TCF7L2: variants seen among roughly 807,000 people sequenced by gnomAD.
TCF7L2 encodes transcription factor 7-like 2.
In TCF7L2, 23 loss-of-function variants were observed where a neutral mutation model predicts 77.9. That is an observed-to-expected ratio of 0.30 (90% CI 0.21 to 0.42). The LOEUF is 0.42. Ranked by LOEUF, TCF7L2 falls within the 10% of genes least tolerant of loss-of-function variation. The pLI, the probability that TCF7L2 is intolerant of heterozygous loss-of-function variation, is 1.00. For synonymous variants in TCF7L2, 413 were observed against 340.2 expected (o/e 1.21, Z -2.36); for missense variants, 654 against 793.1 (o/e 0.82, Z 2.11).
intron 5 of TCF7L2, among the ~76,000 whole-genome samples, chr10:113,101,975 C>T (rs764784006): frequency 1.2e-4 from 17 of 147,632 alleles, no homozygotes; most frequent in Non-Finnish European, 2.1e-4. Flanking sequence ...CCCATCTCTA[C>T]TAAAATACAA....
chr10:112,975,969 TTATAC>T (rs1278299987), intron 4 of TCF7L2, among the ~76,000 whole-genome samples: 2 of 152,230 alleles, frequency 1.3e-5, no homozygotes, highest in Non-Finnish European at 2.9e-5. Context: ...ACCATTGATA[TTATAC>T]TATATTACCT....
rs1041477068 is a variant in TCF7L2 at position 113,167,394 on chromosome 10, A to G, written c.*1422A>G. The G allele has an allele frequency of 1.8e-5, 4 of 225,912 alleles. No homozygotes were observed. The highest frequency in any genetic ancestry group is 3.5e-5 in the Non-Finnish European group (4 of 113,616). 14.0% of individuals were successfully genotyped at this position (225,912 alleles called of 1,614,324 possible). On this transcript the variant is annotated 3_prime_UTR_variant, in exon 14 of 14. Transcript: ENST00000627217. Reference sequence around the variant, plus strand: ...TGTTGATGTTGCAAAATGCTGTATAAAGCTGAAACCTGTTCATTCAGTGCC... The same window carrying G: ...TGTTGATGTTGCAAAATGCTGTATAGAGCTGAAACCTGTTCATTCAGTGCC...
At chr10:113,113,548 T>C (rs1015505463) in intron 5 of TCF7L2, among the ~76,000 whole-genome samples, 8 of 152,196 alleles carry the variant, frequency 5.3e-5, no homozygotes, top group South Asian at 2.1e-4. Flanking sequence ...TAGAAGGAGA[T>C]GTGAGGCATT....
In TCF7L2 at chr10:113,151,209, A is replaced by G. The variant is rs1168134078; in HGVS notation, c.1001+86A>G. Reference sequence around the variant, plus strand: ...GCTGCTGGGTGGTGGCTTTCTGCCTAAGGTTGGCCTCGTTTGGTTTGACTG... The same window carrying G: ...GCTGCTGGGTGGTGGCTTTCTGCCTGAGGTTGGCCTCGTTTGGTTTGACTG... On this transcript the variant is annotated intron_variant, in intron 9 of 13. Transcript: ENST00000627217. The surrounding 1 kb of genome is among the most constrained non-coding windows in gnomAD (Gnocchi z 5.2). 1.9e-6 allele frequency: 3 copies of G among 1,588,742 alleles called. No homozygotes were observed. The highest frequency in any genetic ancestry group is 1.7e-6 in the Non-Finnish European group (2 of 1,164,638).
chr10:113,104,337 T>C (rs2062007499), intron 5 of TCF7L2, among the ~76,000 whole-genome samples: 1 of 152,188 alleles, frequency 6.6e-6, no homozygotes, highest in Non-Finnish European at 1.5e-5. Flanking sequence ...TTTAAATTTA[T>C]GGGTTGTTGG....
chr10:113,095,576 CG>C (rs375136051), intron 5 of TCF7L2, among the ~76,000 whole-genome samples: 38 of 152,286 alleles, frequency 2.5e-4, no homozygotes, highest in African/African-American at 8.7e-4. Flanking sequence ...GGGAACATGA[CG>C]TAGTCCCACT....
intron 5 of TCF7L2, among the ~76,000 whole-genome samples, chr10:113,128,782 A>G (rs2066076827): frequency 6.6e-6 from 1 of 152,100 alleles, no homozygotes; most frequent in Non-Finnish European, 1.5e-5. Context: ...GTAAAAGAGG[A>G]CGATTTCTGG....
chr10:113,092,285 T>C (rs2060482504), intron 5 of TCF7L2, among the ~76,000 whole-genome samples: 1 of 152,178 alleles, frequency 6.6e-6, no homozygotes, highest in Non-Finnish European at 1.5e-5. Context: ...AAACTGTGAA[T>C]AGGTGAGGTA....
chr10:112,978,849 T>C (rs963565757), intron 4 of TCF7L2, among the ~76,000 whole-genome samples: 6 of 152,110 alleles, frequency 3.9e-5, no homozygotes, highest in Admixed American at 1.3e-4. Context: ...ATTTTTATTA[T>C]ACTTTAAGTT....
At chr10:113,081,698 A>T (rs186011250) in intron 5 of TCF7L2, among the ~76,000 whole-genome samples, 1 of 152,306 alleles carries the variant, frequency 6.6e-6, no homozygotes, top group East Asian at 1.9e-4. Flanking sequence ...GTCACATTGA[A>T]CCTCATCCCT....
intron 5 of TCF7L2, among the ~76,000 whole-genome samples, chr10:113,127,781 A>G (rs2065892531): frequency 6.7e-6 from 1 of 149,238 alleles, no homozygotes; most frequent in Non-Finnish European, 1.5e-5. Flanking sequence ...AGCAGTTTTT[A>G]GTTTGAAGAA....
At position 112,966,209 on chromosome 10, in the gene TCF7L2, T is replaced by TATATATATATATATATATA. The variant is rs1305413204; in HGVS notation, c.450+1587_450+1588insATATATATATATATATAAT. Among the ~76,000 whole-genome samples the TATATATATATATATATATA allele has an allele frequency of 8.4e-5, 11 of 131,484 alleles. 1 individual carries two copies. In the South Asian group the frequency reaches 9.4e-4, roughly 11 times the overall value. The allele number at this position is 131,484 out of a possible 152,430, so 86.3% of individuals were successfully genotyped here. ...TTATATATATATATATATATATATA[T>TATATATATATATATATATA]ATTTTCTTTTCTTGATTACTTCTGC... On this transcript the variant is annotated intron_variant, in intron 4 of 13. Coordinates refer to ENST00000627217, the MANE Select transcript of TCF7L2 (RefSeq NM_001146274.2).
chr10:112,962,879 G>A (rs908290368), intron 3 of TCF7L2, among the ~76,000 whole-genome samples: 3 of 152,194 alleles, frequency 2.0e-5, no homozygotes, highest in African/African-American at 2.4e-5. Flanking sequence ...GATTACAGGC[G>A]TGAGCCACTG....
At chr10:113,103,493 T>TTGGTAGAATCA (rs1382635672) in intron 5 of TCF7L2, among the ~76,000 whole-genome samples, 3 of 152,038 alleles carry the variant, frequency 2.0e-5, no homozygotes, top group African/African-American at 4.8e-5. Context: ...AAATAGGCCA[T>TTGGTAGAATCA]TTGGTAGAAT....
intron 5 of TCF7L2, among the ~76,000 whole-genome samples, chr10:113,090,487 G>T (rs1238433186): frequency 6.6e-6 from 1 of 152,136 alleles, no homozygotes; most frequent in Non-Finnish European, 1.5e-5. Context: ...GACAAAATGT[G>T]GAATAAGTCA....
At chr10:113,041,566 T>C (rs2052450607) in intron 5 of TCF7L2, among the ~76,000 whole-genome samples, 1 of 152,190 alleles carries the variant, frequency 6.6e-6, no homozygotes, top group African/African-American at 2.4e-5. Flanking sequence ...TGAAAATAAC[T>C]GCTGTGGCTG....
intron 5 of TCF7L2, among the ~76,000 whole-genome samples, chr10:113,070,101 C>G (rs1453548057): frequency 6.6e-6 from 1 of 151,606 alleles, no homozygotes; most frequent in African/African-American, 2.4e-5. Flanking sequence ...ATTAAAAATA[C>G]AAAAATCAGC....
chr10:113,157,998 CTG>C, intron 11 of TCF7L2, 21 bp from the exon 12 acceptor site: 1 of 1,573,562 alleles, frequency 6.4e-7, no homozygotes, highest in Non-Finnish European at 8.6e-7. Context: ...CAGTAATTCC[CTG>C]TGTTTCATCT....
At chr10:113,003,944 C>T (rs911298090) in intron 4 of TCF7L2, among the ~76,000 whole-genome samples, 3 of 152,108 alleles carry the variant, frequency 2.0e-5, no homozygotes, top group African/African-American at 4.8e-5. Context: ...CAGAACCTGG[C>T]GAAACATACA....
Sources: allele counts gnomAD v4.1 joint callset (sites outside exome capture counted in the v4.1 genomes callset), GRCh38; gene constraint gnomAD v4.1.1; non-coding constraint Gnocchi (gnomAD v3.1); transcripts MANE v1.5; gene names NCBI Gene and HGNC (gene_info 2026-07-23, HGNC 2026-07-21).